VWA8: variants seen among roughly 807,000 people sequenced by gnomAD.
VWA8 encodes von Willebrand factor A domain containing 8.
Under a neutral mutation model 241.5 loss-of-function variants are expected in VWA8, and 221 were observed. The observed-to-expected ratio is 0.91, with a 90% CI of 0.82 to 1.02. VWA8 has a LOEUF of 1.02. VWA8 is among the 50% of genes least tolerant of loss of function. VWA8 has a pLI of 0.00. For synonymous variants in VWA8, 852 were observed against 827.1 expected (o/e 1.03, Z -0.52); for missense variants, 2,322 against 2,328.7 (o/e 1.00, Z 0.06).
At chr13:41,766,963 G>C (rs541204555) in intron 20 of VWA8, among the ~76,000 whole-genome samples, 5 of 152,214 alleles carry the variant, frequency 3.3e-5, no homozygotes, top group African/African-American at 1.2e-4. Flanking sequence ...AGGGAGAACA[G>C]TGAGGAAGCA....
At chr13:41,883,532 A>C in intron 8 of VWA8, 41 bp from the exon 9 acceptor site, 1 of 1,435,830 alleles carries the variant, frequency 7.0e-7, no homozygotes, top group Non-Finnish European at 9.8e-7. Flanking sequence ...GCAAAATTCA[A>C]AATAATCACA....
At position 41,804,568 on chromosome 13, in the gene VWA8, T is replaced by C. The variant is rs536170671; in HGVS notation, c.2063+6657A>G. Among the ~76,000 whole-genome samples the C allele has an allele frequency of 3.3e-5, 5 of 152,002 alleles. No homozygotes were observed. The South Asian group carries it at 1.0e-3, about 32-fold the overall frequency. On this transcript the variant is annotated intron_variant, in intron 17 of 44. Coordinates refer to ENST00000379310, the MANE Select transcript of VWA8 (RefSeq NM_015058.2). ...AAAAATTAATGAGCAGTAAGAAATA[T>C]CTGAAGCCTCAAAATTCACTGGTAA...
intron 37 of VWA8, among the ~76,000 whole-genome samples, chr13:41,624,459 C>G (rs1293057938): frequency 6.6e-6 from 1 of 152,076 alleles, no homozygotes; most frequent in African/African-American, 2.4e-5. Flanking sequence ...AGCAGCACAT[C>G]AAAAAGCAAA....
At chr13:41,818,167 T>A (rs969870686) in intron 15 of VWA8, among the ~76,000 whole-genome samples, 5 of 151,850 alleles carry the variant, frequency 3.3e-5, no homozygotes, top group Non-Finnish European at 5.9e-5. Context: ...TTCACCATGT[T>A]GGCCAGCCTG....
chr13:41,614,824 TG>T, intron 38 of VWA8, 151 bp downstream of exon 38: 2 of 741,946 alleles, frequency 2.7e-6, no homozygotes, highest in South Asian at 1.8e-5. Context: ...GATGTCACGC[TG>T]GGGCAGAGGG....
Position 41,883,393 on chromosome 13 carries a change from A to C in VWA8, c.1074T>G (p.Val358=). Residue 358 remains valine (V), a synonymous_variant, in exon 9 of 45, where the codon GTT becomes GTG. Coordinates refer to ENST00000379310, the MANE Select transcript of VWA8 (RefSeq NM_015058.2). The part of the protein sequence containing the change: ...GHEGKMAVEG[V]LKRFELQDSG... Reference sequence around the variant, plus strand: ...AAGGGAAGCAGACACTCACCTTTAAAACACCTTCCACAGCCATCTTCCCTT... The same window carrying C: ...AAGGGAAGCAGACACTCACCTTTAACACACCTTCCACAGCCATCTTCCCTT... 6.2e-7 allele frequency: 1 copy of C among 1,610,886 alleles called. No individual in the cohort carries two copies.
intron 26 of VWA8, among the ~76,000 whole-genome samples, chr13:41,713,788 GA>G (rs1209214311): frequency 6.6e-6 from 1 of 152,012 alleles, no homozygotes; most frequent in Non-Finnish European, 1.5e-5. Flanking sequence ...ATTATGTTTA[GA>G]AAAAATAAGT....
chr13:41,806,368 T>A (rs1490648384), intron 17 of VWA8, among the ~76,000 whole-genome samples: 3 of 151,994 alleles, frequency 2.0e-5, no homozygotes, highest in Non-Finnish European at 2.9e-5. Context: ...AGAAAAGAGA[T>A]AATAAACATC....
At chr13:41,646,638 T>C (rs138756843) in intron 37 of VWA8, among the ~76,000 whole-genome samples, 92 of 152,326 alleles carry the variant, frequency 6.0e-4, no homozygotes, top group African/African-American at 2.2e-3. Flanking sequence ...TTCTTGATAG[T>C]ACAAAATTCA....
intron 1 of VWA8, among the ~76,000 whole-genome samples, chr13:41,952,942 C>A (rs181796397): frequency 5.9e-5 from 9 of 151,962 alleles, no homozygotes; most frequent in African/African-American, 2.2e-4. Flanking sequence ...CCTGAAGGGG[C>A]AAGGGGAGAG....
Position 41,719,749 on chromosome 13 carries a change from TA to T in VWA8, c.2965-8del, listed in dbSNP as rs558682058. ...GACCTTCAGTCGGAAATTTCTGTAT[TA>T]AAAAAAAATTCCCTTATTATGCATG... On this transcript the variant is annotated splice_polypyrimidine_tract_variant and splice_region_variant and intron_variant, in intron 25 of 44. Transcript: ENST00000379310. The T allele has an allele frequency of 1.0e-4, 164 of 1,591,712 alleles. 1 individual carries two copies. In the Middle Eastern group the frequency reaches 3.5e-3, roughly 34 times the overall value.
At chr13:41,691,268 A>G in intron 32 of VWA8, 52 bp downstream of exon 32, 2 of 1,562,550 alleles carry the variant, frequency 1.3e-6, no homozygotes, top group Non-Finnish European at 1.7e-6. Flanking sequence ...ATAATTCATA[A>G]ATAAGATTGA....
intron 21 of VWA8, among the ~76,000 whole-genome samples, chr13:41,753,321 T>C (rs1011603108): frequency 2.0e-5 from 3 of 152,156 alleles, no homozygotes; most frequent in Non-Finnish European, 4.4e-5. Flanking sequence ...GCAGTATAAG[T>C]ATTTCAGAGC....
chr13:41,740,591 T>C (rs2045562750), intron 21 of VWA8, among the ~76,000 whole-genome samples: 1 of 152,210 alleles, frequency 6.6e-6, no homozygotes, highest in Non-Finnish European at 1.5e-5. Flanking sequence ...TTTTACTTTA[T>C]GAACTGTGCC....
intron 13 of VWA8, among the ~76,000 whole-genome samples, chr13:41,831,889 G>T (rs1351501866): frequency 6.6e-6 from 1 of 151,354 alleles, no homozygotes; most frequent in Non-Finnish European, 1.5e-5. Flanking sequence ...CAAAATGCTG[G>T]GACTACAGGT....
chr13:41,577,744 T>C (rs1190783025), intron 42 of VWA8, among the ~76,000 whole-genome samples: 1 of 152,234 alleles, frequency 6.6e-6, no homozygotes, highest in Non-Finnish European at 1.5e-5. Context: ...ATCAGTTCCC[T>C]GACACGGAAC....
chr13:41,667,313 C>G (rs540778372), intron 37 of VWA8, among the ~76,000 whole-genome samples: 2 of 152,184 alleles, frequency 1.3e-5, no homozygotes, highest in African/African-American at 2.4e-5. Flanking sequence ...GGGGAATAGA[C>G]TAATAGTGCT....
intron 4 of VWA8, among the ~76,000 whole-genome samples, chr13:41,902,852 T>A (rs1407812548): frequency 6.6e-6 from 1 of 152,140 alleles, no homozygotes; most frequent in Non-Finnish European, 1.5e-5. Flanking sequence ...AGCTGATATG[T>A]CAATTCGTAA....
intron 42 of VWA8, among the ~76,000 whole-genome samples, chr13:41,579,509 C>T (rs909693775): frequency 1.3e-5 from 2 of 152,178 alleles, no homozygotes; most frequent in Non-Finnish European, 2.9e-5. Context: ...CCTCTCTAAA[C>T]CTTGTTTCTA....
Sources: allele counts gnomAD v4.1 joint callset (sites outside exome capture counted in the v4.1 genomes callset), GRCh38; gene constraint gnomAD v4.1.1; transcripts MANE v1.5; gene names NCBI Gene and HGNC (gene_info 2026-07-23, HGNC 2026-07-21).